The following MTUS1 variants were observed in gnomAD, a reference collection of about 807,000 sequenced individuals.
The protein encoded by MTUS1 is microtubule associated scaffold protein 1.
Under a neutral mutation model 120.8 loss-of-function variants are expected in MTUS1, and 109 were observed. The observed-to-expected ratio is 0.90, with a 90% CI of 0.77 to 1.06. The LOEUF is 1.06. Ranked by LOEUF, MTUS1 falls within the 50% of genes least tolerant of loss-of-function variation. The probability of loss-of-function intolerance (pLI) is 0.00; values close to 1 mark genes in which losing one functional copy is unlikely to be tolerated. For synonymous variants in MTUS1, 737 were observed against 550.5 expected (o/e 1.34, Z -4.74); for missense variants, 2,210 against 1,486.3 (o/e 1.49, Z -8.01).
chr8:17,670,999 C>CAA (rs1285812602), intron 8 of MTUS1, among the ~76,000 whole-genome samples: 1 of 151,980 alleles, frequency 6.6e-6, no homozygotes, highest in East Asian at 1.9e-4. Flanking sequence ...AGGGGTGTTC[C>CAA]ACTGTGAAAT....
chr8:17,784,036 G>A (rs1266433140), intron 1 of MTUS1, among the ~76,000 whole-genome samples: 1 of 152,108 alleles, frequency 6.6e-6, no homozygotes, highest in African/African-American at 2.4e-5. Context: ...GCCCCCAAAC[G>A]TTTTAAAAGC....
intron 1 of MTUS1, among the ~76,000 whole-genome samples, chr8:17,774,506 G>A (rs1017701867): frequency 6.6e-6 from 1 of 152,184 alleles, no homozygotes; most frequent in African/African-American, 2.4e-5. Context: ...ATGAGAAGAT[G>A]CTCAACATCA....
Position 17,735,726 on chromosome 8 carries a change from C to A in MTUS1, c.2287+7878G>T, listed in dbSNP as rs571695743. ...CCTTTACTGTGGATACACAGTGCTT[C>A]GCACAGGTCTCCATTCAAATCAAGC... On this transcript the variant is annotated intron_variant, in intron 3 of 14. Transcript: ENST00000693296. Among the ~76,000 whole-genome samples the A allele has an allele frequency of 1.8e-4, 27 of 152,386 alleles. No individual in the cohort carries two copies. The East Asian group carries it at 5.2e-3, about 29-fold the overall frequency.
chr8:17,768,780 G>A (rs1010968227), intron 1 of MTUS1, among the ~76,000 whole-genome samples: 2 of 152,086 alleles, frequency 1.3e-5, no homozygotes, highest in African/African-American at 2.4e-5. Context: ...GAGAGTCCTG[G>A]TGGGCAGACA....
intron 1 of MTUS1, among the ~76,000 whole-genome samples, chr8:17,777,542 C>T (rs760322943): frequency 4.6e-5 from 7 of 151,980 alleles, no homozygotes; most frequent in Non-Finnish European, 1.0e-4. Flanking sequence ...CTTCTCCACA[C>T]ACCCAAAAGC....
At position 17,657,935 on chromosome 8, in the gene MTUS1, GTATA is replaced by G. The variant is rs1188508382; in HGVS notation, c.2906-1874_2906-1871del. ...TATGTATATATCTATGTGTACATGT[GTATA>G]TATGTACATATATGTATGCATATAT... is the stretch of plus-strand genomic sequence containing the variant. On this transcript the variant is annotated intron_variant, in intron 8 of 14. Transcript: ENST00000693296. Among the ~76,000 whole-genome samples, 5 of 150,034 alleles carry G rather than the reference GTATA, an allele frequency of 3.3e-5. No homozygotes were observed. In the East Asian group the frequency reaches 7.9e-4, roughly 24 times the overall value.
chr8:17,721,997 A>T, intron 4 of MTUS1: 2 of 921,534 alleles, frequency 2.2e-6, no homozygotes, highest in South Asian at 3.2e-5. Context: ...AATGGAGGGA[A>T]AAAAAAAAAA....
intron 13 of MTUS1, among the ~76,000 whole-genome samples, chr8:17,648,946 T>G (rs1415096810): frequency 6.6e-6 from 1 of 152,222 alleles, no homozygotes; most frequent in Non-Finnish European, 1.5e-5. Flanking sequence ...GCAGCTGTAT[T>G]TCAGGGCCGG....
chr8:17,777,152 T>C (rs76988534), intron 1 of MTUS1, among the ~76,000 whole-genome samples: 13,117 of 152,100 alleles, frequency 0.086, 1,916 homozygotes, highest in African/African-American at 0.3. Flanking sequence ...AACAGGTGGC[T>C]ATGGCCGGGC....
chr8:17,730,137 A>G (rs993136615), intron 3 of MTUS1, among the ~76,000 whole-genome samples: 1 of 152,206 alleles, frequency 6.6e-6, no homozygotes, highest in Non-Finnish European at 1.5e-5. Flanking sequence ...TTAAACCTGA[A>G]GTTACCATAT....
chr8:17,734,223 G>C (rs1325925931), intron 3 of MTUS1: 1 of 152,162 alleles, frequency 6.6e-6, no homozygotes, highest in Admixed American at 6.5e-5. Context: ...CGCTCTATCT[G>C]TTAAGTAAAT....
chr8:17,707,187 C>A (rs917097079), intron 6 of MTUS1, among the ~76,000 whole-genome samples: 1 of 152,158 alleles, frequency 6.6e-6, no homozygotes, highest in African/African-American at 2.4e-5. Context: ...GATTTTCAGT[C>A]ACAGAATATC....
chr8:17,785,471 G>T (rs1407606676), intron 1 of MTUS1, among the ~76,000 whole-genome samples: 1 of 152,168 alleles, frequency 6.6e-6, no homozygotes, highest in Non-Finnish European at 1.5e-5. Flanking sequence ...ACAGCATGGG[G>T]ATGTCAGCTT....
At chr8:17,694,906 T>C (rs555915984) in intron 6 of MTUS1, among the ~76,000 whole-genome samples, 1 of 152,328 alleles carries the variant, frequency 6.6e-6, no homozygotes, top group Admixed American at 6.5e-5. Context: ...AAGTCATCTC[T>C]TGTGGTTCCC....
chr8:17,766,507 A>T (rs116458406), intron 1 of MTUS1, among the ~76,000 whole-genome samples: 5,134 of 152,236 alleles, frequency 0.034, 130 homozygotes, highest in South Asian at 0.066. Context: ...TTTCTTTTAG[A>T]CATTTGCAGA....
chr8:17,673,703 C>T (rs1812489425), intron 8 of MTUS1, among the ~76,000 whole-genome samples: 1 of 152,154 alleles, frequency 6.6e-6, no homozygotes, highest in African/African-American at 2.4e-5. Flanking sequence ...GATCCTCCCA[C>T]CTCAGCCTCC....
chr8:17,744,616 AT>A (rs2047592772), intron 2 of MTUS1, among the ~76,000 whole-genome samples: 1 of 111,582 alleles, frequency 9.0e-6, no homozygotes, highest in Non-Finnish European at 1.9e-5. Flanking sequence ...TAATTTTTAT[AT>A]TTTTGTAGCT....
At chr8:17,738,972 T>G (rs1357505264) in intron 3 of MTUS1, among the ~76,000 whole-genome samples, 1 of 151,586 alleles carries the variant, frequency 6.6e-6, no homozygotes, top group Admixed American at 6.6e-5. Context: ...GACCCCCCCA[T>G]CTCTACAAAA....
At chr8:17,740,896 G>A (rs1029011318) in intron 3 of MTUS1, among the ~76,000 whole-genome samples, 3 of 151,990 alleles carry the variant, frequency 2.0e-5, no homozygotes, top group Non-Finnish European at 4.4e-5. Flanking sequence ...AGAGAGTTTC[G>A]CTCTTGCTAC....
Sources: allele counts gnomAD v4.1 joint callset (sites outside exome capture counted in the v4.1 genomes callset), GRCh38; gene constraint gnomAD v4.1.1; transcripts MANE v1.5; gene names NCBI Gene and HGNC (gene_info 2026-07-23, HGNC 2026-07-21).